FRYL: variants seen among roughly 807,000 people sequenced by gnomAD.
The protein encoded by FRYL is protein furry homolog-like.
FRYL carries 150 observed loss-of-function variants against 351.2 expected under a neutral mutation model. That is an observed-to-expected ratio of 0.43 (90% confidence interval 0.37 to 0.49). The LOEUF (loss-of-function observed/expected upper bound fraction) is 0.49. Ranked by LOEUF, FRYL falls within the 20% of genes least tolerant of loss-of-function variation. The pLI is 0.00. For missense variants in FRYL, 3,036 were observed against 3,619.3 expected (o/e 0.84, Z 4.13); for synonymous variants, 1,153 against 1,257.1 (o/e 0.92, Z 1.75).
At chr4:48,566,513 G>A (rs1240267463) in intron 28 of FRYL, among the ~76,000 whole-genome samples, 1 of 152,116 alleles carries the variant, frequency 6.6e-6, no homozygotes, top group Non-Finnish European at 1.5e-5. Flanking sequence ...CTTTGACAGT[G>A]TCATTTTCCT....
In FRYL at chr4:48,586,718, T is replaced by C; in HGVS notation, c.1651A>G (p.Lys551Glu). 1 of 1,603,660 alleles carries C rather than the reference T, an allele frequency of 6.2e-7. No individual in the cohort carries two copies. Among genetic ancestry groups the C allele is most frequent in the Non-Finnish European group, 8.5e-7 (1 of 1,173,630 alleles). ...EPEDMITGER[K>E]PKIDLFRTCI... is the part of the protein sequence containing the mutation. The stretch of plus-strand genomic sequence containing the variant: ...GTTCTAAACAAATCAATCTTGGGTT[T>C]TCTTTCCCCCCTGAAAAATACAACA... Residue 551 changes from lysine (K) to glutamate (E), a missense_variant, in exon 19 of 64, where the codon AAA becomes GAA. By Grantham distance (56) the Lys-to-Glu change is moderately conservative. Around this residue, in one of 7 missense-constraint regions of FRYL, gnomAD observed 78 missense variants for 106.6 expected, o/e 0.73. Coordinates refer to ENST00000358350, the MANE Select transcript of FRYL (RefSeq NM_015030.2).
rs71191256 is a variant in FRYL at position 48,742,973 on chromosome 4, A to ATTTTTTTTTTTTTT, written c.-383-32289_-383-32276dup. ...AGGTGTGCGCCACCACGCCTGGATA[A>ATTTTTTTTTTTTTT]TTTTTTTTTTTTTTTTTTTTTTTTT... On this transcript the variant is annotated intron_variant, in intron 1 of 63. Coordinates refer to ENST00000358350, the MANE Select transcript of FRYL (RefSeq NM_015030.2). 5.5e-3 allele frequency among the ~76,000 whole-genome samples: 449 copies of ATTTTTTTTTTTTTT among 81,662 alleles called. 66 individuals carry two copies. The highest frequency in any genetic ancestry group is 0.03 in the East Asian group (67 of 2,236). The allele number at this position is 81,662 out of a possible 152,430, so 53.6% of individuals were successfully genotyped here. A position where few individuals can be genotyped will look rare whatever the true frequency, so the allele number is the denominator to read the frequency against.
At chr4:48,511,618 C>T (rs1377372750) in intron 57 of FRYL, among the ~76,000 whole-genome samples, 5 of 152,136 alleles carry the variant, frequency 3.3e-5, no homozygotes, top group Non-Finnish European at 7.4e-5. Context: ...CATAAATCCG[C>T]ACTTTCAGCC....
At chr4:48,763,646 TACTAAGGCC>T (rs1230810245) in intron 1 of FRYL, among the ~76,000 whole-genome samples, 3 of 152,080 alleles carry the variant, frequency 2.0e-5, no homozygotes, top group African/African-American at 7.2e-5. Flanking sequence ...ATTTGAGCTT[TACTAAGGCC>T]ATGTATGATA....
chr4:48,576,036 A>G lies in FRYL; in HGVS notation c.2715T>C (p.Asp905=). The change falls in exon 24 of 64, where the codon GAT becomes GAC. Residue 905 remains aspartate (D), a synonymous_variant. Coordinates refer to ENST00000358350, the MANE Select transcript of FRYL (RefSeq NM_015030.2). ...ASTPDSGYSI[D]SKIIGIPSPS... ...GTGGATCTGAGAAACTTACTTTAGA[A>G]TCAATGCTATAGCCGCTATCTGGGG... is the stretch of plus-strand genomic sequence containing the variant. 1 of 1,595,182 alleles carries G rather than the reference A, an allele frequency of 6.3e-7. No individual in the cohort carries two copies. Among genetic ancestry groups the G allele is most frequent in the Non-Finnish European group, 8.5e-7 (1 of 1,172,680 alleles).
chr4:48,564,638 T>C (rs1049142147), intron 30 of FRYL, among the ~76,000 whole-genome samples: 7 of 152,208 alleles, frequency 4.6e-5, no homozygotes, highest in African/African-American at 1.7e-4. Context: ...TGCAGCTCAA[T>C]ATGTTCTATG....
chr4:48,760,167 CTTT>C (rs1035167241), intron 1 of FRYL, among the ~76,000 whole-genome samples: 1 of 146,088 alleles, frequency 6.8e-6, no homozygotes, highest in Non-Finnish European at 1.5e-5. Context: ...GAAGCCCTCA[CTTT>C]TTTTTTTTTG....
At chr4:48,620,896 G>C in intron 5 of FRYL, 118 bp from the exon 6 acceptor site, 1 of 898,484 alleles carries the variant, frequency 1.1e-6, no homozygotes, top group Non-Finnish European at 1.6e-6. Flanking sequence ...CAATAAATGT[G>C]CTTTAAAATT....
At chr4:48,593,816 A>C (rs1744045641) in intron 16 of FRYL, 114 bp downstream of exon 16, 1 of 496,648 alleles carries the variant, frequency 2.0e-6, no homozygotes, top group Non-Finnish European at 3.5e-6. Flanking sequence ...GTCCTGGATC[A>C]CAGCTACTAT....
chr4:48,569,495 C>T (rs1189104303), intron 27 of FRYL, among the ~76,000 whole-genome samples: 4 of 152,230 alleles, frequency 2.6e-5, no homozygotes, highest in Admixed American at 6.5e-5. Flanking sequence ...TTGGTAGAGA[C>T]GGGGTTTCGC....
intron 48 of FRYL, 74 bp from the exon 49 acceptor site, chr4:48,534,759 A>G: frequency 1.1e-6 from 1 of 916,202 alleles, no homozygotes; most frequent in Non-Finnish European, 1.6e-6. Context: ...TTTACATTTG[A>G]CAGGTTGGAA....
intron 3 of FRYL, chr4:48,638,651 T>C (rs1306418126): frequency 6.6e-6 from 1 of 152,148 alleles, no homozygotes; most frequent in Non-Finnish European, 1.5e-5. Flanking sequence ...TAAAGACGCA[T>C]GCACACATAT....
At chr4:48,652,332 G>A (rs1301302189) in intron 3 of FRYL, among the ~76,000 whole-genome samples, 1 of 152,188 alleles carries the variant, frequency 6.6e-6, no homozygotes, top group Non-Finnish European at 1.5e-5. Context: ...AGTACATGGT[G>A]AGGATGGGAG....
intron 53 of FRYL, among the ~76,000 whole-genome samples, chr4:48,524,930 T>C (rs1725677555): frequency 6.6e-6 from 1 of 152,042 alleles, no homozygotes; most frequent in Non-Finnish European, 1.5e-5. Flanking sequence ...GCTCCTGGCC[T>C]TGGGTAGGGC....
intron 3 of FRYL, among the ~76,000 whole-genome samples, chr4:48,675,207 G>C (rs925726676): frequency 2.0e-5 from 3 of 152,154 alleles, no homozygotes; most frequent in African/African-American, 4.8e-5. Flanking sequence ...GCTTGCTCTC[G>C]GCACCTCCTC....
intron 1 of FRYL, among the ~76,000 whole-genome samples, chr4:48,711,280 C>G (rs886498228): frequency 2.0e-5 from 3 of 150,880 alleles, no homozygotes; most frequent in Non-Finnish European, 4.4e-5. Context: ...ACTCGGGAAG[C>G]GCAAGGGGTC....
chr4:48,606,312 A>T, intron 10 of FRYL, 126 bp downstream of exon 10: 1 of 566,056 alleles, frequency 1.8e-6, no homozygotes, highest in South Asian at 3.6e-5. Context: ...AGAACAACTT[A>T]ACACATGGAA....
chr4:48,572,035 A>AC, intron 26 of FRYL: 2 of 970,618 alleles, frequency 2.1e-6, no homozygotes, highest in Non-Finnish European at 2.4e-6. Flanking sequence ...TACTATCATG[A>AC]CCCTACAGTG....
At chr4:48,510,271 C>T in intron 58 of FRYL, 114 bp from the exon 59 acceptor site, 1 of 741,568 alleles carries the variant, frequency 1.3e-6, no homozygotes, top group South Asian at 1.6e-5. Flanking sequence ...TTTGGATATT[C>T]TCTTAACTCT....
Sources: allele counts gnomAD v4.1 joint callset (sites outside exome capture counted in the v4.1 genomes callset), GRCh38; gene constraint gnomAD v4.1.1; regional missense constraint gnomAD v4.1.1; transcripts MANE v1.5; gene names NCBI Gene and HGNC (gene_info 2026-07-23, HGNC 2026-07-21).